Variants in RNLS observed in about 807,000 individuals in gnomAD.
RNLS encodes the protein renalase.
RNLS carries 39 observed loss-of-function variants against 39.8 expected under a neutral mutation model. That is an observed-to-expected ratio of 0.98 (90% confidence interval 0.76 to 1.28). The LOEUF is 1.28. Ranked by LOEUF, RNLS falls within the 50% of genes most tolerant of loss-of-function variation. The probability of loss-of-function intolerance (pLI) is 0.00; values close to 1 mark genes in which losing one functional copy is unlikely to be tolerated. For synonymous variants in RNLS, 147 were observed against 150.7 expected, an observed-to-expected ratio of 0.98 and a Z score of 0.18; for missense variants, 410 against 413.3, an observed-to-expected ratio of 0.99 and a Z score of 0.07.
At chr10:88,373,916 T>G (rs1850764235) in intron 4 of RNLS, among the ~76,000 whole-genome samples, 1 of 152,088 alleles carries the variant, frequency 6.6e-6, no homozygotes, top group Non-Finnish European at 1.5e-5. Flanking sequence ...ACTGTGTGTG[T>G]CTGTATAAAT....
At chr10:88,508,821 A>G (rs775282584) in intron 4 of RNLS, among the ~76,000 whole-genome samples, 59 of 152,148 alleles carry the variant, frequency 3.9e-4, no homozygotes, top group Non-Finnish European at 6.9e-4. Flanking sequence ...GGAAAAAAAA[A>G]GAAACATTAG....
intron 5 of RNLS, among the ~76,000 whole-genome samples, chr10:88,317,913 C>T (rs1457618002): frequency 1.3e-5 from 2 of 152,210 alleles, no homozygotes; most frequent in African/African-American, 4.8e-5. Context: ...TCTCTGCTCC[C>T]TTCACCCCTG....
chr10:88,336,939 TC>T (rs1438152338), intron 5 of RNLS, among the ~76,000 whole-genome samples: 1 of 151,926 alleles, frequency 6.6e-6, no homozygotes, highest in Non-Finnish European at 1.5e-5. Context: ...GACTAAGCGA[TC>T]AGTGGAAATG....
intron 4 of RNLS, among the ~76,000 whole-genome samples, chr10:88,410,469 A>C (rs1853585651): frequency 1.3e-5 from 2 of 152,172 alleles, no homozygotes; most frequent in African/African-American, 4.8e-5. Context: ...ACTAAGTTCA[A>C]ACAAGAAATG....
rs554100430 is a variant in RNLS at position 88,399,991 on chromosome 10, C to T, written c.527-37266G>A. Among the ~76,000 whole-genome samples the T allele has an allele frequency of 3.3e-5, 5 of 152,042 alleles. No homozygotes were observed. The South Asian group carries it at 1.0e-3, about 32-fold the overall frequency. On this transcript the variant is annotated intron_variant, in intron 4 of 6. Transcript: ENST00000331772. ...AGCATTCCTTGCCTTGTGGCTATTT[C>T]ACTCGAATCTCTTACTCTGTGGTCA...
intron 4 of RNLS, among the ~76,000 whole-genome samples, chr10:88,475,774 A>T (rs532231447): frequency 6.6e-6 from 1 of 152,292 alleles, no homozygotes; most frequent in South Asian, 2.1e-4. Context: ...TTTTTAATTA[A>T]GAAAATACAA....
intron 4 of RNLS, among the ~76,000 whole-genome samples, chr10:88,442,396 T>C (rs1841767240): frequency 2.0e-5 from 3 of 152,202 alleles, no homozygotes; most frequent in South Asian, 2.1e-4. Context: ...CTTGGTTAAT[T>C]CAGAATATGG....
intron 4 of RNLS, among the ~76,000 whole-genome samples, chr10:88,519,933 A>G (rs1925937): frequency 0.44 from 66,500 of 151,540 alleles, 15,007 homozygotes; most frequent in East Asian, 0.59. Context: ...TGCCTTTGCC[A>G]AACATTGTGC....
intron 5 of RNLS, among the ~76,000 whole-genome samples, chr10:88,322,790 T>G (rs1846280314): frequency 6.6e-6 from 1 of 152,136 alleles, no homozygotes; most frequent in African/African-American, 2.4e-5. Context: ...TCAGAGCAAT[T>G]AGGTGTGAAG....
the RNLS span, among the ~76,000 whole-genome samples, chr10:88,257,372 AGG>A: frequency 6.6e-6 from 1 of 152,234 alleles, no homozygotes; most frequent in Non-Finnish European, 1.5e-5. Context: ...GATTCATATC[AGG>A]ACAATATAGC....
chr10:88,569,931 A>C (rs1849728337), intron 4 of RNLS, among the ~76,000 whole-genome samples: 1 of 152,202 alleles, frequency 6.6e-6, no homozygotes, highest in Non-Finnish European at 1.5e-5. Flanking sequence ...AGATTCCTTT[A>C]AGAAATGGAA....
intron 5 of RNLS, among the ~76,000 whole-genome samples, chr10:88,327,379 T>C (rs1272507824): frequency 6.6e-6 from 1 of 152,146 alleles, no homozygotes; most frequent in African/African-American, 2.4e-5. Flanking sequence ...CCCTACACTG[T>C]TTTTGTGAAA....
intron 4 of RNLS, among the ~76,000 whole-genome samples, chr10:88,395,734 A>G (rs1198828729): frequency 6.6e-6 from 1 of 152,130 alleles, no homozygotes; most frequent in East Asian, 1.9e-4. Flanking sequence ...ATCTACATCC[A>G]ACAAACTCAA....
At chr10:88,202,282 A>G in the RNLS span, among the ~76,000 whole-genome samples, 6 of 118,688 alleles carry the variant, frequency 5.1e-5, no homozygotes, top group Admixed American at 5.5e-4. Flanking sequence ...GGAACATCAC[A>G]CACCGGGGCC....
At chr10:88,203,222 A>G in the RNLS span, among the ~76,000 whole-genome samples, 3 of 74,816 alleles carry the variant, frequency 4.0e-5, no homozygotes, top group Admixed American at 2.9e-4. Context: ...GGATAGCAAA[A>G]AGTGTGTGTG....
At chr10:88,376,722 G>C (rs954056619) in intron 4 of RNLS, among the ~76,000 whole-genome samples, 8 of 152,028 alleles carry the variant, frequency 5.3e-5, no homozygotes, top group African/African-American at 1.9e-4. Context: ...CTGCCTGTGT[G>C]AAATATATGC....
At chr10:88,419,601 T>C (rs1854257803) in intron 4 of RNLS, among the ~76,000 whole-genome samples, 1 of 152,238 alleles carries the variant, frequency 6.6e-6, no homozygotes, top group Admixed American at 6.5e-5. Context: ...AGGAAAAAAC[T>C]ATTAAACTAT....
the RNLS span, among the ~76,000 whole-genome samples, chr10:88,232,255 G>A: frequency 0.73 from 110,773 of 151,954 alleles, 40,877 homozygotes; most frequent in East Asian, 0.82. Context: ...CATGGGCCAC[G>A]ACTGCATCTG....
chr10:88,222,289 G>A, the RNLS span, among the ~76,000 whole-genome samples: 1 of 152,274 alleles, frequency 6.6e-6, no homozygotes, highest in Admixed American at 6.5e-5. Flanking sequence ...CCACATCTGA[G>A]TTCCCTCATC....
Sources: allele counts gnomAD v4.1 joint callset (sites outside exome capture counted in the v4.1 genomes callset), GRCh38; gene constraint gnomAD v4.1.1; transcripts MANE v1.5; gene names NCBI Gene and HGNC (gene_info 2026-07-23, HGNC 2026-07-21).